MDGA2: variants seen among roughly 807,000 people sequenced by gnomAD.
The protein encoded by MDGA2 is MAM domain-containing glycosylphosphatidylinositol anchor protein 2.
In MDGA2, 40 loss-of-function variants were observed where a neutral mutation model predicts 117.8. The ratio of observed to expected loss-of-function variants is 0.34; its 90% CI spans 0.26 to 0.44. The LOEUF (loss-of-function observed/expected upper bound fraction) is 0.44. Ranked by LOEUF, MDGA2 falls within the 20% of genes least tolerant of loss-of-function variation. The pLI is 1.00. For synonymous variants in MDGA2, 452 were observed against 439.0 expected (o/e 1.03, Z -0.37); for missense variants, 1,123 against 1,250.6 (o/e 0.90, Z 1.54).
intron 1 of MDGA2, among the ~76,000 whole-genome samples, chr14:47,433,195 G>GT (rs966896002): frequency 4.0e-5 from 6 of 151,890 alleles, no homozygotes; most frequent in Non-Finnish European, 5.9e-5. Context: ...ACAGTCAATA[G>GT]TTTTTTTTAT....
intron 1 of MDGA2, among the ~76,000 whole-genome samples, chr14:47,561,157 T>TTG (rs1895799149): frequency 7.2e-5 from 5 of 69,282 alleles, no homozygotes; most frequent in African/African-American, 1.3e-4. Context: ...TTTTTTGTTT[T>TTG]GTTTTGTTTT....
chr14:47,163,933 G>A (rs1053368504), intron 3 of MDGA2, among the ~76,000 whole-genome samples: 4 of 152,158 alleles, frequency 2.6e-5, no homozygotes, highest in African/African-American at 9.7e-5. Flanking sequence ...TGCAAAAGAG[G>A]CAGCCATGTC....
Position 46,866,013 on chromosome 14 carries a change from A to C in MDGA2, c.2752+7420T>G, listed in dbSNP as rs1181898961. On this transcript the variant is annotated intron_variant, in intron 14 of 16. Transcript: ENST00000399232. ...TGCCATCCCCATCAAGCTACCAATG[A>C]CTTTCTTCACAGAATTGGAAAAAAC... Among the ~76,000 whole-genome samples, 493 of 151,580 alleles carry C rather than the reference A, an allele frequency of 3.3e-3. 3 individuals carry two copies. The highest frequency in any genetic ancestry group is 0.011 in the African/African-American group (469 of 41,364).
At chr14:47,665,576 C>T (rs1202135831) in intron 1 of MDGA2, among the ~76,000 whole-genome samples, 1 of 152,180 alleles carries the variant, frequency 6.6e-6, no homozygotes, top group African/African-American at 2.4e-5. Context: ...CACTTGTGGG[C>T]CAGCTGGAGT....
At chr14:46,992,429 A>C (rs1297233094) in intron 8 of MDGA2, among the ~76,000 whole-genome samples, 1 of 152,086 alleles carries the variant, frequency 6.6e-6, no homozygotes, top group Non-Finnish European at 1.5e-5. Context: ...TTTAAATCTC[A>C]GTTTTCTTCT....
chr14:47,534,652 T>C (rs891142835), intron 1 of MDGA2, among the ~76,000 whole-genome samples: 6 of 152,012 alleles, frequency 3.9e-5, no homozygotes, highest in African/African-American at 1.2e-4. Context: ...CCCCTCCACA[T>C]GTGGGGGTTA....
chr14:46,842,786 A>G (rs1195011035), intron 16 of MDGA2, among the ~76,000 whole-genome samples: 1 of 152,184 alleles, frequency 6.6e-6, no homozygotes, highest in Non-Finnish European at 1.5e-5. Context: ...TGAGACATAC[A>G]ATCTTATATC....
chr14:46,933,516 A>C (rs1884658655), intron 9 of MDGA2, among the ~76,000 whole-genome samples: 1 of 151,556 alleles, frequency 6.6e-6, no homozygotes, highest in South Asian at 2.1e-4. Flanking sequence ...ATAAGTGTTT[A>C]ATAAATGTTA....
chr14:47,389,230 T>G (rs953215259), intron 1 of MDGA2, among the ~76,000 whole-genome samples: 1 of 152,168 alleles, frequency 6.6e-6, no homozygotes, highest in African/African-American at 2.4e-5. Flanking sequence ...ATACTTTGGA[T>G]CCATGAAATG....
intron 2 of MDGA2, among the ~76,000 whole-genome samples, chr14:47,294,106 T>A (rs1017958089): frequency 7.0e-6 from 1 of 142,968 alleles, no homozygotes; most frequent in African/African-American, 2.6e-5. Context: ...TGGCAATCTT[T>A]TTTTTTTTTT....
intron 1 of MDGA2, among the ~76,000 whole-genome samples, chr14:47,441,168 T>C (rs1159764552): frequency 6.6e-6 from 1 of 152,120 alleles, no homozygotes; most frequent in Non-Finnish European, 1.5e-5. Flanking sequence ...AAGCTCTTGA[T>C]GAGATCCTTT....
chr14:46,940,354 C>T (rs1325426180), intron 9 of MDGA2, among the ~76,000 whole-genome samples: 1 of 152,090 alleles, frequency 6.6e-6, no homozygotes, highest in Non-Finnish European at 1.5e-5. Flanking sequence ...TCCGGCCAGG[C>T]GCGGTGGCTC....
At chr14:47,530,705 G>A (rs1051649653) in intron 1 of MDGA2, among the ~76,000 whole-genome samples, 5 of 152,058 alleles carry the variant, frequency 3.3e-5, no homozygotes, top group Non-Finnish European at 7.4e-5. Flanking sequence ...TTCTCGACCT[G>A]CCAATCTGCC....
At chr14:47,531,221 G>T (rs1285335674) in intron 1 of MDGA2, among the ~76,000 whole-genome samples, 9 of 152,082 alleles carry the variant, frequency 5.9e-5, no homozygotes, top group Non-Finnish European at 1.2e-4. Flanking sequence ...CTCCAGCCTG[G>T]GCGACAGAGC....
At chr14:46,896,892 G>A (rs1883097313) in intron 10 of MDGA2, among the ~76,000 whole-genome samples, 1 of 152,032 alleles carries the variant, frequency 6.6e-6, no homozygotes, top group Non-Finnish European at 1.5e-5. Context: ...TCCAAATTAG[G>A]TGTGGTCATA....
intron 1 of MDGA2, among the ~76,000 whole-genome samples, chr14:47,362,187 T>G (rs1362921282): frequency 1.3e-5 from 2 of 152,168 alleles, no homozygotes; most frequent in Non-Finnish European, 2.9e-5. Context: ...ACTGATTGAA[T>G]CTCATAAAGG....
intron 5 of MDGA2, among the ~76,000 whole-genome samples, chr14:47,129,868 T>C (rs1213668750): frequency 1.3e-5 from 2 of 148,858 alleles, no homozygotes; most frequent in Non-Finnish European, 3.0e-5. Context: ...TTTCATGTGT[T>C]TTTTGGCTGC....
At chr14:47,305,564 G>A (rs1889415515) in intron 1 of MDGA2, among the ~76,000 whole-genome samples, 3 of 152,128 alleles carry the variant, frequency 2.0e-5, no homozygotes, top group Non-Finnish European at 2.9e-5. Context: ...AATTCACTCT[G>A]GAGAAATAGT....
intron 6 of MDGA2, among the ~76,000 whole-genome samples, chr14:47,074,595 C>T (rs1465272475): frequency 6.6e-6 from 1 of 152,234 alleles, no homozygotes; most frequent in Admixed American, 6.5e-5. Context: ...CCACCGCGCC[C>T]AGCCCAGAAC....
Sources: allele counts gnomAD v4.1 joint callset (sites outside exome capture counted in the v4.1 genomes callset), GRCh38; gene constraint gnomAD v4.1.1; transcripts MANE v1.5; gene names NCBI Gene and HGNC (gene_info 2026-07-23, HGNC 2026-07-21).